PLEKHM2: variants seen among roughly 807,000 people sequenced by gnomAD.
The protein encoded by PLEKHM2 is pleckstrin homology domain-containing family M member 2.
In PLEKHM2, 77 loss-of-function variants were observed where a neutral mutation model predicts 116.3. The ratio of observed to expected loss-of-function variants is 0.66; its 90% confidence interval spans 0.55 to 0.80. The LOEUF is 0.80. Among genes scored for constraint, PLEKHM2 ranks in the 30% least tolerant of loss-of-function variants. PLEKHM2 has a pLI of 0.00. For synonymous variants in PLEKHM2, 562 were observed against 571.0 expected (o/e 0.98, Z 0.22); for missense variants, 1,183 against 1,354.9 (o/e 0.87, Z 1.99).
chr1:15,682,630 AAACAAAACAAAAC>A (rs1640670134), upstream of PLEKHM2, among the ~76,000 whole-genome samples: 4 of 113,262 alleles, frequency 3.5e-5, no homozygotes, highest in African/African-American at 1.9e-4. Flanking sequence ...AAAACAAACA[AAACAAAACAAAAC>A]AAAAAAAACA....
intron 1 of PLEKHM2, among the ~76,000 whole-genome samples, chr1:15,685,103 C>T (rs1640741420): frequency 6.6e-6 from 1 of 152,368 alleles, no homozygotes; most frequent in South Asian, 2.1e-4. Flanking sequence ...CCTGGGAAGT[C>T]CCCTGAATAA....
intron 1 of PLEKHM2, among the ~76,000 whole-genome samples, chr1:15,709,098 G>A (rs768122792): frequency 6.6e-6 from 1 of 152,090 alleles, no homozygotes; most frequent in African/African-American, 2.4e-5. Context: ...CAAGTTGTCC[G>A]ACTCCAGAAT....
intron 1 of PLEKHM2, among the ~76,000 whole-genome samples, chr1:15,715,473 C>T (rs1249058304): frequency 5.3e-5 from 8 of 152,130 alleles, no homozygotes. Flanking sequence ...GAAACCTCGT[C>T]TCTACTAAAG....
Position 15,728,880 on chromosome 1 carries a change from C to G in PLEKHM2, c.1986+147C>G. ...TAACTCTCAGAGAGGCTTCTGTACA[C>G]GATGCTGGGGGTAAGAACCAAGCTT... On this transcript the variant is annotated intron_variant, in intron 12 of 19. Transcript: ENST00000375799. The surrounding 1 kb of genome is among the most constrained non-coding windows in gnomAD (Gnocchi z 5.9). 4.8e-6 allele frequency: 4 copies of G among 834,148 alleles called. No homozygotes were observed. The highest frequency in any genetic ancestry group is 7.8e-6 in the Non-Finnish European group (4 of 515,780). The allele number at this position is 834,148 out of a possible 1,614,324, so 51.7% of individuals were successfully genotyped here.
intron 1 of PLEKHM2, among the ~76,000 whole-genome samples, chr1:15,685,420 G>T (rs1001969272): frequency 7.9e-5 from 12 of 150,962 alleles, no homozygotes; most frequent in Non-Finnish European, 1.5e-4. Context: ...AAATTTAAAA[G>T]AATCCATATT....
chr1:15,719,723 T>C lies in PLEKHM2; in HGVS notation c.466-11T>C. The C allele has an allele frequency of 1.2e-6, 2 of 1,604,404 alleles. No individual in the cohort carries two copies. Among genetic ancestry groups the C allele is most frequent in the South Asian group, 1.1e-5 (1 of 89,878 alleles). On this transcript the variant is annotated splice_polypyrimidine_tract_variant and intron_variant, in intron 5 of 19. Coordinates refer to ENST00000375799, the MANE Select transcript of PLEKHM2 (RefSeq NM_015164.4). This position sits in a 1 kb window ranked among gnomAD's most constrained non-coding sequence, Gnocchi z 4.1. Reference sequence around the variant, plus strand: ...CTCCCACCAAACGGGCCTCCTCTACTCTCTCCTCAGGATGCCCCTTACCTA... The same window carrying C: ...CTCCCACCAAACGGGCCTCCTCTACCCTCTCCTCAGGATGCCCCTTACCTA...
rs377135346 is a variant in PLEKHM2 at position 15,689,089 on chromosome 1, A to G, written c.60+4471A>G. Among the ~76,000 whole-genome samples, 34 of 152,052 alleles carry G rather than the reference A, an allele frequency of 2.2e-4. No homozygotes were observed. The South Asian group carries it at 6.9e-3, about 31-fold the overall frequency. On this transcript the variant is annotated intron_variant, in intron 1 of 19. Coordinates refer to ENST00000375799, the MANE Select transcript of PLEKHM2 (RefSeq NM_015164.4). ...CATCGAGAAACCCCATCTCTATTAA[A>G]AATACAAAATTAGCTAGGTGTGGTG... is the stretch of plus-strand genomic sequence containing the variant.
rs562546054 is a variant in PLEKHM2, at chr1:15,721,287, G to A, written c.653-42G>A. 1.7e-5 allele frequency: 22 copies of A among 1,285,222 alleles called. No homozygotes were observed. Among genetic ancestry groups the A allele is most frequent in the Middle Eastern group, 3.7e-4 (2 of 5,434 alleles). The allele number at this position is 1,285,222 out of a possible 1,614,324, so 79.6% of individuals were successfully genotyped here. A position where few individuals can be genotyped will look rare whatever the true frequency, so the allele number is the denominator to read the frequency against. Reference sequence around the variant, plus strand: ...CCCTCCCTCCAGTCATCCTTCCACTGCCTGTGTTTCTAATCTTCAGTTTTG... The same window carrying A: ...CCCTCCCTCCAGTCATCCTTCCACTACCTGTGTTTCTAATCTTCAGTTTTG... On this transcript the variant is annotated intron_variant, in intron 6 of 19. Coordinates refer to ENST00000375799, the MANE Select transcript of PLEKHM2 (RefSeq NM_015164.4). This position sits in a 1 kb window ranked among gnomAD's most constrained non-coding sequence, Gnocchi z 5.1.
chr1:15,725,915 C>G, intron 8 of PLEKHM2: 1 of 258,430 alleles, frequency 3.9e-6, no homozygotes, highest in Non-Finnish European at 7.6e-6. Flanking sequence ...TCTAGGGTCC[C>G]TTTTATGAGG....
intron 6 of PLEKHM2, chr1:15,720,339 G>A (rs931778771): frequency 2.0e-6 from 2 of 985,070 alleles, no homozygotes; most frequent in African/African-American, 1.7e-5. Flanking sequence ...ACCCCTAGAA[G>A]AAGAGAGAAC....
chr1:15,725,885 G>A (rs985823715), intron 8 of PLEKHM2: 3 of 324,968 alleles, frequency 9.2e-6, no homozygotes, highest in South Asian at 7.7e-5. Flanking sequence ...GTGTTGTGGC[G>A]GGGAGTGGAG....
intron 16 of PLEKHM2, 92 bp downstream of exon 16, chr1:15,731,349 C>T (rs776245346): frequency 3.2e-5 from 31 of 966,508 alleles, no homozygotes; most frequent in East Asian, 7.8e-5. Context: ...AGTTCAGCCT[C>T]GCCCTCAACC....
At chr1:15,705,830 G>A (rs759745171) in intron 1 of PLEKHM2, among the ~76,000 whole-genome samples, 1 of 152,066 alleles carries the variant, frequency 6.6e-6, no homozygotes, top group Admixed American at 6.6e-5. Flanking sequence ...GGTGGCTCAC[G>A]CCTGTAATCC....
At chr1:15,699,838 G>C (rs1273330015) in intron 1 of PLEKHM2, among the ~76,000 whole-genome samples, 1 of 151,666 alleles carries the variant, frequency 6.6e-6, no homozygotes, top group African/African-American at 2.4e-5. Context: ...GAGTAGGCTG[G>C]GCATGGTGGT....
intron 14 of PLEKHM2, among the ~76,000 whole-genome samples, chr1:15,730,306 G>A (rs2068122258): frequency 6.6e-6 from 1 of 152,272 alleles, no homozygotes; most frequent in South Asian, 2.1e-4. Flanking sequence ...GCCAGGCGTG[G>A]TGATGGGCGC....
intron 1 of PLEKHM2, among the ~76,000 whole-genome samples, chr1:15,685,861 G>A (rs1394352162): frequency 6.6e-6 from 1 of 152,214 alleles, no homozygotes; most frequent in Non-Finnish European, 1.5e-5. Context: ...TAGTTTTACT[G>A]AGCTTTGCTA....
intron 19 of PLEKHM2, 38 bp from the exon 20 acceptor site, chr1:15,733,759 C>A: frequency 6.2e-7 from 1 of 1,602,556 alleles, no homozygotes; most frequent in East Asian, 2.2e-5. Flanking sequence ...CTGTGGCCCT[C>A]AGTGGCCCTC....
chr1:15,724,612 C>T (rs572882455), intron 7 of PLEKHM2, among the ~76,000 whole-genome samples: 7 of 152,270 alleles, frequency 4.6e-5, no homozygotes, highest in Non-Finnish European at 1.0e-4. Flanking sequence ...CTCTCGGACC[C>T]CTGTCTTTGC....
At chr1:15,682,632 ACAAAACAAAAC>A (rs1640670415), upstream of PLEKHM2, among the ~76,000 whole-genome samples, 3 of 126,130 alleles carry the variant, frequency 2.4e-5, no homozygotes, top group African/African-American at 6.8e-5. Context: ...AACAAACAAA[ACAAAACAAAAC>A]AAAAAAAACA....
Sources: allele counts gnomAD v4.1 joint callset (sites outside exome capture counted in the v4.1 genomes callset), GRCh38; gene constraint gnomAD v4.1.1; non-coding constraint Gnocchi (gnomAD v3.1); transcripts MANE v1.5; gene names NCBI Gene and HGNC (gene_info 2026-07-23, HGNC 2026-07-21).